Variants in DIAPH2 observed in about 807,000 individuals in gnomAD.
DIAPH2 encodes the protein diaphanous related formin 2, also known as protein diaphanous homolog 2.
In DIAPH2, 35 loss-of-function variants were observed where a neutral mutation model predicts 92.7. That is an observed-to-expected ratio of 0.38 (90% CI 0.29 to 0.50). DIAPH2 has a LOEUF of 0.50. DIAPH2 is among the 20% of genes least tolerant of loss of function. DIAPH2 has a pLI of 0.94. For missense variants in DIAPH2, 701 were observed against 819.5 expected, an observed-to-expected ratio of 0.86 and a Z score of 1.77; for synonymous variants, 301 against 280.4, an observed-to-expected ratio of 1.07 and a Z score of -0.73.
intron 25 of DIAPH2, among the ~76,000 whole-genome samples, chrX:97,419,874 A>G (rs2069989808): frequency 8.9e-6 from 1 of 111,747 alleles, no homozygotes; most frequent in African/African-American, 3.3e-5. Context: ...CTTTTTCCAA[A>G]TTTGTTTTTT....
At chrX:97,368,691 A>G (rs933381655) in intron 24 of DIAPH2, among the ~76,000 whole-genome samples, 3 of 42,267 alleles carry the variant, frequency 7.1e-5, no homozygotes, top group Non-Finnish European at 1.4e-4. Flanking sequence ...ACTGTCAAAA[A>G]GTATAAGCCC....
intron 4 of DIAPH2, among the ~76,000 whole-genome samples, chrX:96,761,125 G>A (rs1006377501): frequency 9.0e-6 from 1 of 110,966 alleles, no homozygotes; most frequent in Non-Finnish European, 1.9e-5. Context: ...CAATATGTTG[G>A]TAATTTAGAG....
intron 25 of DIAPH2, among the ~76,000 whole-genome samples, chrX:97,420,526 AT>A (rs1466850823): frequency 2.7e-5 from 3 of 112,009 alleles, no homozygotes; most frequent in Non-Finnish European, 5.6e-5. Context: ...GGATTTGATG[AT>A]TCACCTCACT....
At position 97,139,647 on chromosome X, in the gene DIAPH2, A is replaced by G. The variant is rs187667055; in HGVS notation, c.2590-2018A>G. ...ATCATTTCATCAAAGATACTAATAC[A>G]TTTAACTGATGTTGTGCTTTATTTA... On this transcript the variant is annotated intron_variant, in intron 21 of 26. Coordinates refer to ENST00000324765, the MANE Select transcript of DIAPH2 (RefSeq NM_006729.5). 5.5e-3 allele frequency among the ~76,000 whole-genome samples: 616 copies of G among 111,087 alleles called. 6 individuals are homozygous for G. The highest frequency in any genetic ancestry group is 0.019 in the African/African-American group (587 of 30,785).
intron 25 of DIAPH2, among the ~76,000 whole-genome samples, chrX:97,402,563 C>G (rs1329333682): frequency 2.7e-5 from 3 of 111,634 alleles, no homozygotes; most frequent in Non-Finnish European, 5.6e-5. Flanking sequence ...CATCTTTGCC[C>G]TATAAACCCT....
intron 17 of DIAPH2, among the ~76,000 whole-genome samples, chrX:96,999,208 G>A (rs2066125418): frequency 9.0e-6 from 1 of 111,046 alleles, no homozygotes; most frequent in African/African-American, 3.3e-5. Flanking sequence ...TTATAAAGCT[G>A]GTAATTAAGA....
At chrX:97,511,464 C>T (rs1390443972) in intron 26 of DIAPH2, among the ~76,000 whole-genome samples, 6 of 106,726 alleles carry the variant, frequency 5.6e-5, no homozygotes, top group African/African-American at 1.4e-4. Flanking sequence ...ACAGGGACAA[C>T]TTGACTTCCT....
At chrX:96,916,687 G>T (rs779872660) in intron 8 of DIAPH2, 113 bp downstream of exon 8, 7 of 777,583 alleles carry the variant, frequency 9.0e-6, no homozygotes, top group South Asian at 3.2e-5. Flanking sequence ...CAGTATTTTA[G>T]ATAATTTTTG....
chrX:96,871,295 C>T (rs1052504346), intron 4 of DIAPH2, among the ~76,000 whole-genome samples: 18 of 108,618 alleles, frequency 1.7e-4, no homozygotes, highest in African/African-American at 5.7e-4. Context: ...GGTGAAACCC[C>T]GTCTCTACCA....
intron 23 of DIAPH2, among the ~76,000 whole-genome samples, chrX:97,333,249 A>T (rs775041841): frequency 3.6e-5 from 4 of 111,675 alleles, no homozygotes; most frequent in Admixed American, 9.6e-5. Context: ...ACTGCTTTGT[A>T]CTTCTTACTG....
chrX:96,978,003 G>A (rs1361271212), intron 17 of DIAPH2, among the ~76,000 whole-genome samples: 1 of 111,821 alleles, frequency 8.9e-6, no homozygotes, highest in Non-Finnish European at 1.9e-5. Flanking sequence ...GTTTTATATT[G>A]GCAAATAGAA....
intron 24 of DIAPH2, among the ~76,000 whole-genome samples, chrX:97,380,148 C>T (rs1397261965): frequency 9.0e-6 from 1 of 110,699 alleles, no homozygotes; most frequent in South Asian, 3.8e-4. Flanking sequence ...ATCCTAGATA[C>T]ATTTTTCATT....
intron 22 of DIAPH2, among the ~76,000 whole-genome samples, chrX:97,238,183 TAGAC>T (rs1338622547): frequency 8.9e-6 from 1 of 112,143 alleles, no homozygotes; most frequent in African/African-American, 3.2e-5. Context: ...AATTATTACT[TAGAC>T]AGTTTCAAAC....
chrX:97,104,537 G>A (rs763325405), intron 20 of DIAPH2, among the ~76,000 whole-genome samples: 5 of 109,591 alleles, frequency 4.6e-5, no homozygotes, highest in East Asian at 2.9e-4. Flanking sequence ...CACCATGCCC[G>A]GCTAATTTTT....
intron 22 of DIAPH2, among the ~76,000 whole-genome samples, chrX:97,208,399 A>C (rs191208545): frequency 3.8e-4 from 43 of 112,324 alleles, no homozygotes; most frequent in African/African-American, 1.4e-3. Context: ...TGAAGGAGTC[A>C]ACCAGTTCTG....
chrX:97,527,224 G>A (rs1345511055), intron 26 of DIAPH2, among the ~76,000 whole-genome samples: 1 of 111,610 alleles, frequency 9.0e-6, no homozygotes, highest in African/African-American at 3.3e-5. Flanking sequence ...TACTTAACTG[G>A]GTCGTACATG....
chrX:96,849,466 G>A (rs1002219176), intron 4 of DIAPH2, among the ~76,000 whole-genome samples: 3 of 111,910 alleles, frequency 2.7e-5, no homozygotes, highest in Non-Finnish European at 3.8e-5. Context: ...GTGCCTGGCC[G>A]AGCATTATTT....
intron 23 of DIAPH2, among the ~76,000 whole-genome samples, chrX:97,344,964 C>T (rs1344938818): frequency 1.8e-5 from 2 of 111,937 alleles, no homozygotes; most frequent in Admixed American, 9.5e-5. Context: ...TTCTGCCTAG[C>T]GAGTCCCTGG....
At chrX:97,111,107 T>G (rs900757639) in intron 20 of DIAPH2, among the ~76,000 whole-genome samples, 1 of 112,480 alleles carries the variant, frequency 8.9e-6, no homozygotes, top group Admixed American at 9.4e-5. Context: ...TTTATGGAAC[T>G]AGTGCTTTTT....
Sources: allele counts gnomAD v4.1 joint callset (sites outside exome capture counted in the v4.1 genomes callset), GRCh38; gene constraint gnomAD v4.1.1; transcripts MANE v1.5; gene names NCBI Gene and HGNC (gene_info 2026-07-23, HGNC 2026-07-21).